CENPN: variants seen among roughly 807,000 people sequenced by gnomAD.
CENPN encodes interphase centromere complex protein 32.
A neutral mutation model predicts 48.6 loss-of-function variants in CENPN; 36 were observed. The ratio of observed to expected loss-of-function variants is 0.74; its 90% CI spans 0.57 to 0.98. The LOEUF is 0.98. Ranked by LOEUF, CENPN falls within the 50% of genes least tolerant of loss-of-function variation. CENPN has a pLI of 0.00. For missense variants in CENPN, 439 were observed against 399.2 expected (o/e 1.10, Z -0.85); for synonymous variants, 166 against 135.2 (o/e 1.23, Z -1.58).
At chr16:81,020,364 T>C (rs765105851) in intron 6 of CENPN, 88 bp downstream of exon 6, 44 of 1,291,012 alleles carry the variant, frequency 3.4e-5, no homozygotes, top group Non-Finnish European at 4.3e-5. Flanking sequence ...AAGTATTTGA[T>C]AGAGAATACT....
chr16:81,028,229 C>A lies in CENPN; in HGVS notation c.869C>A (p.Pro290His). The part of the protein sequence containing the change: ...NGSILAEREE[P>H]LRCLIKFSSP... ...AGCATCTTGGCTGAGAGGGAAGAACCCCTCCGATGCCTAATAAAGTTCTCT... is the reference window on the plus strand; with the variant it reads ...AGCATCTTGGCTGAGAGGGAAGAACACCTCCGATGCCTAATAAAGTTCTCT... Residue 290 changes from proline (P) to histidine (H), a missense_variant, in exon 10 of 11, where the codon CCC (proline) becomes CAC (histidine). Transcript: ENST00000305850. 1 of 1,613,078 alleles carries A rather than the reference C, an allele frequency of 6.2e-7. No individual in the cohort carries two copies.
intron 2 of CENPN, among the ~76,000 whole-genome samples, chr16:81,012,908 A>G (rs1969798451): frequency 6.6e-6 from 1 of 152,184 alleles, no homozygotes; most frequent in Admixed American, 6.5e-5. Context: ...TTTGCTTTTA[A>G]ATAAATATAC....
In CENPN at chr16:81,022,038, C is replaced by T. The variant is rs550240655; in HGVS notation, c.532-559C>T. Among the ~76,000 whole-genome samples the T allele has an allele frequency of 3.9e-5, 6 of 152,262 alleles. No homozygotes were observed. The East Asian group carries it at 5.8e-4, about 15-fold the overall frequency. On this transcript the variant is annotated intron_variant, in intron 6 of 10. Coordinates refer to ENST00000305850, the MANE Select transcript of CENPN (RefSeq NM_001100624.3). ...CCTGCCAAAGCGCTGGGATTACAGC[C>T]GTGAGCCACTGCGCGGACTAATGTT...
chr16:81,009,525 A>G (rs1048497371), intron 1 of CENPN, among the ~76,000 whole-genome samples: 2 of 152,214 alleles, frequency 1.3e-5, no homozygotes, highest in African/African-American at 4.8e-5. Context: ...CTACACAAAG[A>G]AACAAATCCG....
At chr16:81,025,785 C>T (rs1464729330) in intron 8 of CENPN, among the ~76,000 whole-genome samples, 1 of 150,032 alleles carries the variant, frequency 6.7e-6, no homozygotes, top group Non-Finnish European at 1.5e-5. Context: ...TCACTGCAAC[C>T]TCTGCTTCCC....
At chr16:81,020,529 TACC>T (rs1270421383) in intron 6 of CENPN, 1 of 330,140 alleles carries the variant, frequency 3.0e-6, no homozygotes. Flanking sequence ...AGATATAGAA[TACC>T]ACATGTAATT....
intron 3 of CENPN, among the ~76,000 whole-genome samples, chr16:81,016,450 T>G (rs1439846922): frequency 6.6e-6 from 1 of 152,222 alleles, no homozygotes; most frequent in Non-Finnish European, 1.5e-5. Context: ...AGACAGGCAG[T>G]GTACAAATGA....
At chr16:81,007,797 AG>A (rs1969515259) in intron 1 of CENPN, among the ~76,000 whole-genome samples, 1 of 152,200 alleles carries the variant, frequency 6.6e-6, no homozygotes, top group African/African-American at 2.4e-5. Context: ...CTAAAACGCT[AG>A]GAAGTATAAA....
chr16:81,030,565 A>G lies in CENPN; in HGVS notation c.*1914A>G. On this transcript the variant is annotated 3_prime_UTR_variant, in exon 11 of 11. Transcript: ENST00000305850. ...GGAGTTCGAGACCAGCCTAGCCAACATGGCAAAACCTTGTCTCTACTAAAA... is the reference window on the plus strand; with the variant it reads ...GGAGTTCGAGACCAGCCTAGCCAACGTGGCAAAACCTTGTCTCTACTAAAA... 1 of 200,498 alleles carries G rather than the reference A, an allele frequency of 5.0e-6. No homozygotes were observed. Among genetic ancestry groups the G allele is most frequent in the Non-Finnish European group, 8.9e-6 (1 of 112,260 alleles). 12.4% of individuals were successfully genotyped at this position (200,498 alleles called of 1,614,324 possible).
At chr16:81,014,440 C>A in intron 3 of CENPN, 1 of 417,492 alleles carries the variant, frequency 2.4e-6, no homozygotes, top group Non-Finnish European at 4.4e-6. Context: ...GCCGTGTTGC[C>A]CAGGCTGGTC....
intron 10 of CENPN, 63 bp from the exon 11 acceptor site, chr16:81,028,506 A>T: frequency 6.3e-7 from 1 of 1,585,752 alleles, no homozygotes; most frequent in Non-Finnish European, 8.5e-7. Flanking sequence ...AAACTGACTC[A>T]AATCCATCCT....
chr16:81,024,678 G>A (rs1423297762), intron 7 of CENPN, 37 bp from the exon 8 acceptor site: 1 of 1,374,598 alleles, frequency 7.3e-7, no homozygotes, highest in African/African-American at 1.5e-5. Context: ...ACTTCAAGAT[G>A]TCAAGATTAG....
intron 8 of CENPN, among the ~76,000 whole-genome samples, chr16:81,025,286 A>G (rs1891276369): frequency 1.3e-5 from 2 of 152,240 alleles, no homozygotes; most frequent in Admixed American, 1.3e-4. Context: ...ATTGCTACTC[A>G]CAGATGTCTG....
intron 6 of CENPN, among the ~76,000 whole-genome samples, chr16:81,021,598 A>G (rs73595473): frequency 0.01 from 1,545 of 152,222 alleles, 24 homozygotes; most frequent in African/African-American, 0.035. Flanking sequence ...TTGGTGGTTT[A>G]TTGAAATGGC....
intron 3 of CENPN, 27 bp from the exon 4 acceptor site, chr16:81,017,299 G>T: frequency 6.6e-7 from 1 of 1,511,124 alleles, no homozygotes; most frequent in Non-Finnish European, 9.2e-7. Context: ...TGATATGCTA[G>T]TAATAAAGCT....
At chr16:81,008,446 ACT>A (rs1567545033) in intron 1 of CENPN, among the ~76,000 whole-genome samples, 1 of 151,900 alleles carries the variant, frequency 6.6e-6, no homozygotes, top group Non-Finnish European at 1.5e-5. Flanking sequence ...TTCTCGGCTC[ACT>A]GCAACCTCCT....
intron 3 of CENPN, chr16:81,014,509 C>G: frequency 4.2e-6 from 1 of 235,396 alleles, no homozygotes; most frequent in Admixed American, 5.2e-5. Context: ...AGGTGTGAAC[C>G]GCTGTACTTG....
chr16:81,017,001 C>G, intron 3 of CENPN: 1 of 268,968 alleles, frequency 3.7e-6, no homozygotes, highest in Non-Finnish European at 7.0e-6. Flanking sequence ...CTGTGGGGCA[C>G]AGCATTCCCT....
Position 81,024,729 on chromosome 16 carries a change from C to G in CENPN, c.648C>G (p.His216Gln). 1 of 1,609,008 alleles carries G rather than the reference C, an allele frequency of 6.2e-7. No homozygotes were observed. Among genetic ancestry groups the G allele is most frequent in the South Asian group, 1.1e-5 (1 of 90,414 alleles). ...FKQYNQTFETHNSTTPLQERS... is the reference protein window; with the variant it reads ...FKQYNQTFETQNSTTPLQERS... ...TTTTTCCCTAGACCTTTGAAACTCA[C>G]AACTCTACGACACCTCTACAGGAAA... Residue 216 changes from histidine to glutamine, a missense_variant, in exon 8 of 11, where the codon CAC becomes CAG. His to Gln is a conservative substitution (Grantham distance 24). Coordinates refer to ENST00000305850, the MANE Select transcript of CENPN (RefSeq NM_001100624.3).
Sources: gnomAD v4.1 joint callset for allele counts (sites outside exome capture counted in the v4.1 genomes callset) on GRCh38, gnomAD v4.1.1 for gene constraint, MANE v1.5 for transcripts, NCBI Gene and HGNC (gene_info 2026-07-23, HGNC 2026-07-21) for gene names.